NXPE4: variants seen among roughly 807,000 people sequenced by gnomAD.
NXPE4 encodes neurexophilin and PC-esterase domain family member 4.
Under a neutral mutation model 33.3 loss-of-function variants are expected in NXPE4, and 42 were observed. The ratio of observed to expected loss-of-function variants is 1.26; its 90% CI spans 0.98 to 1.63. The LOEUF (loss-of-function observed/expected upper bound fraction) is 1.63. NXPE4 is among the 40% of genes most tolerant of loss of function. NXPE4 has a pLI of 0.00. For missense variants in NXPE4, 709 were observed against 647.6 expected (o/e 1.09, Z -1.03); for synonymous variants, 253 against 234.9 (o/e 1.08, Z -0.71).
chr11:114,632,733 A>G, the NXPE4 span, among the ~76,000 whole-genome samples: 2 of 59,650 alleles, frequency 3.4e-5, no homozygotes, highest in Non-Finnish European at 5.9e-5. Flanking sequence ...AATATATAAT[A>G]TATATAAAAT....
rs370325500 is a variant in NXPE4 at position 114,581,802 on chromosome 11, A to C, written c.831-16T>G. On this transcript the variant is annotated splice_polypyrimidine_tract_variant and intron_variant, in intron 3 of 5. Transcript: ENST00000375478. ...CACATTTGACCTTAAAGACACAAAT[A>C]CAGAAATTAATCTGTAGGTGGCCTC... 1.9e-6 allele frequency: 3 copies of C among 1,580,214 alleles called. No homozygotes were observed. Among genetic ancestry groups the C allele is most frequent in the Non-Finnish European group, 2.6e-6 (3 of 1,154,274 alleles).
chr11:114,673,756 A>T, the NXPE4 span, among the ~76,000 whole-genome samples: 6 of 151,820 alleles, frequency 4.0e-5, no homozygotes, highest in African/African-American at 1.4e-4. Flanking sequence ...AAAGAGCTGT[A>T]ATTTCATAAC....
At chr11:114,632,416 T>C in the NXPE4 span, among the ~76,000 whole-genome samples, 1 of 132,126 alleles carries the variant, frequency 7.6e-6, no homozygotes, top group Admixed American at 9.1e-5. Context: ...TATAATTTTA[T>C]ATAATATAAA....
intron 2 of NXPE4, among the ~76,000 whole-genome samples, chr11:114,588,551 AAT>A (rs1949364304): frequency 6.6e-6 from 1 of 152,176 alleles, no homozygotes; most frequent in South Asian, 2.1e-4. Context: ...GGGAAAAAAG[AAT>A]ATAGAGAAAA....
the NXPE4 span, among the ~76,000 whole-genome samples, chr11:114,635,319 C>G: frequency 6.7e-6 from 1 of 149,826 alleles, no homozygotes; most frequent in South Asian, 2.1e-4. Context: ...GATTTTGTAT[C>G]CTGAGACTTT....
rs1381834461 is a variant in NXPE4, at chr11:114,595,728, G to C, written c.-147C>G. The C allele has an allele frequency of 4.6e-5, 7 of 152,270 alleles. No homozygotes were observed. In the South Asian group the frequency reaches 1.2e-3, roughly 27 times the overall value. The allele number at this position is 152,270 out of a possible 1,614,324, so 9.4% of individuals were successfully genotyped here. On this transcript the variant is annotated 5_prime_UTR_variant, in exon 1 of 6. Coordinates refer to ENST00000375478, the MANE Select transcript of NXPE4 (RefSeq NM_001077639.2). ...AAATAAATTGCAGATATAAGTTGCA[G>C]TTTGTTTACCTTTAGCATGGATTCA...
chr11:114,573,961 C>T (rs1490405495), intron 5 of NXPE4, among the ~76,000 whole-genome samples: 1 of 151,930 alleles, frequency 6.6e-6, no homozygotes, highest in Non-Finnish European at 1.5e-5. Flanking sequence ...TATGATAGGC[C>T]ACAAAACAAG....
At chr11:114,581,154 C>T (rs1016213055) in intron 4 of NXPE4, among the ~76,000 whole-genome samples, 1 of 152,146 alleles carries the variant, frequency 6.6e-6, no homozygotes, top group Non-Finnish European at 1.5e-5. Flanking sequence ...CTTGCAGAGA[C>T]ATAAAAGCTC....
At chr11:114,658,374 C>T in the NXPE4 span, among the ~76,000 whole-genome samples, 8 of 152,106 alleles carry the variant, frequency 5.3e-5, no homozygotes, top group Non-Finnish European at 7.3e-5. Context: ...GGAGCACAGA[C>T]GTAAAGAGAC....
At chr11:114,580,524 G>C (rs1949118338) in intron 4 of NXPE4, among the ~76,000 whole-genome samples, 186 bp from the exon 5 acceptor site, 1 of 151,928 alleles carries the variant, frequency 6.6e-6, no homozygotes, top group Non-Finnish European at 1.5e-5. Flanking sequence ...TCTCTGATGT[G>C]AATTTCCTAA....
At chr11:114,630,143 A>G in the NXPE4 span, among the ~76,000 whole-genome samples, 1 of 151,754 alleles carries the variant, frequency 6.6e-6, no homozygotes, top group Non-Finnish European at 1.5e-5. Flanking sequence ...GCTACCAATG[A>G]CTTTCTTCAC....
chr11:114,580,083 A>G (rs1949100667), intron 5 of NXPE4, 49 bp downstream of exon 5: 1 of 1,464,684 alleles, frequency 6.8e-7, no homozygotes, highest in South Asian at 1.1e-5. Context: ...TTGAAATGGA[A>G]AAGAAGTTTC....
At chr11:114,571,541 A>G in intron 5 of NXPE4, 68 bp from the exon 6 acceptor site, 1 of 1,348,942 alleles carries the variant, frequency 7.4e-7, no homozygotes, top group Non-Finnish European at 1.0e-6. Flanking sequence ...AGATATAAAG[A>G]TGGAAGAGAT....
At chr11:114,616,220 T>C in the NXPE4 span, among the ~76,000 whole-genome samples, 1 of 151,506 alleles carries the variant, frequency 6.6e-6, no homozygotes, top group African/African-American at 2.4e-5. Flanking sequence ...TGGTGGATAA[T>C]AAGTATTGCC....
At chr11:114,601,895 AT>A in the NXPE4 span, among the ~76,000 whole-genome samples, 8 of 42,546 alleles carry the variant, frequency 1.9e-4, no homozygotes, top group Non-Finnish European at 3.4e-4. Context: ...TATATATTAT[AT>A]TTATATATAT....
chr11:114,621,242 C>T, the NXPE4 span, among the ~76,000 whole-genome samples: 18 of 151,530 alleles, frequency 1.2e-4, no homozygotes, highest in South Asian at 4.2e-4. Context: ...CACAGTTACC[C>T]GGTGGATAAT....
intron 5 of NXPE4, among the ~76,000 whole-genome samples, chr11:114,576,923 A>G (rs1949005568): frequency 6.7e-6 from 1 of 149,740 alleles, no homozygotes. Flanking sequence ...AATTGCAAAA[A>G]TAAGGAACCA....
upstream of NXPE4, among the ~76,000 whole-genome samples, chr11:114,598,760 A>T (rs528166725): frequency 5.3e-5 from 8 of 152,198 alleles, no homozygotes; most frequent in African/African-American, 1.9e-4. Flanking sequence ...TGGCTCACAA[A>T]ACCATTCTTC....
the NXPE4 span, among the ~76,000 whole-genome samples, chr11:114,602,869 T>G: frequency 6.8e-6 from 1 of 147,820 alleles, no homozygotes; most frequent in Non-Finnish European, 1.5e-5. Flanking sequence ...ATCTCATATA[T>G]AATTATAGAA....
Sources: gnomAD v4.1 joint callset for allele counts (sites outside exome capture counted in the v4.1 genomes callset) on GRCh38, gnomAD v4.1.1 for gene constraint, MANE v1.5 for transcripts, NCBI Gene and HGNC (gene_info 2026-07-23, HGNC 2026-07-21) for gene names.